MIPOL1: variants seen among roughly 807,000 people sequenced by gnomAD.
MIPOL1 encodes the protein mirror-image polydactyly 1.
Under a neutral mutation model 60.9 loss-of-function variants are expected in MIPOL1, and 57 were observed. The ratio of observed to expected loss-of-function variants is 0.94; its 90% CI spans 0.76 to 1.17. MIPOL1 has a LOEUF of 1.17. Ranked by LOEUF, MIPOL1 falls within the 50% of genes most tolerant of loss-of-function variation. MIPOL1 has a pLI of 0.00. For missense variants in MIPOL1, 551 were observed against 511.6 expected, an observed-to-expected ratio of 1.08 and a Z score of -0.74; for synonymous variants, 179 against 168.8, an observed-to-expected ratio of 1.06 and a Z score of -0.47.
At chr14:37,483,246 G>A (rs1462995664) in intron 11 of MIPOL1, among the ~76,000 whole-genome samples, 1 of 151,624 alleles carries the variant, frequency 6.6e-6, no homozygotes, top group Non-Finnish European at 1.5e-5. Flanking sequence ...CCGAGTAGCT[G>A]GGATTATGGG....
At chr14:37,390,361 G>A (rs1057217810) in intron 10 of MIPOL1, among the ~76,000 whole-genome samples, 2 of 152,008 alleles carry the variant, frequency 1.3e-5, no homozygotes, top group Admixed American at 1.3e-4. Flanking sequence ...TATCTGGAAT[G>A]TCACTTATAT....
intron 1 of MIPOL1, among the ~76,000 whole-genome samples, chr14:37,243,744 TA>T (rs1415426029): frequency 6.6e-6 from 1 of 152,212 alleles, no homozygotes; most frequent in Non-Finnish European, 1.5e-5. Context: ...TGGATACTGT[TA>T]CATTGGGGAA....
chr14:37,336,187 G>C (rs969403175), intron 9 of MIPOL1, among the ~76,000 whole-genome samples: 3 of 147,924 alleles, frequency 2.0e-5, no homozygotes, highest in African/African-American at 7.5e-5. Context: ...CTCATTAAAC[G>C]GTTTTGGTAC....
chr14:37,487,681 A>G (rs1332581387), intron 11 of MIPOL1, among the ~76,000 whole-genome samples: 2 of 152,088 alleles, frequency 1.3e-5, no homozygotes, highest in African/African-American at 4.8e-5. Flanking sequence ...ATCAGTGGTG[A>G]TATCCCCTTT....
chr14:37,482,875 A>G (rs1257970655), intron 11 of MIPOL1, among the ~76,000 whole-genome samples: 2 of 152,162 alleles, frequency 1.3e-5, no homozygotes, highest in Non-Finnish European at 2.9e-5. Context: ...GTCCCTCAGT[A>G]TCTGTTAGGG....
chr14:37,298,738 C>T (rs2086044820), intron 7 of MIPOL1, among the ~76,000 whole-genome samples: 1 of 151,906 alleles, frequency 6.6e-6, no homozygotes, highest in Non-Finnish European at 1.5e-5. Flanking sequence ...CAAATCAAAA[C>T]CACAATGAGA....
chr14:37,268,741 C>T lies in MIPOL1; in HGVS notation c.335C>T (p.Thr112Ile), dbSNP rs1340290276. ...ACTTCAGACTCAGATAAAGAGAAGA[C>T]AATAGCATTTCTTCTAAAAGAATTG... is the stretch of plus-strand genomic sequence containing the variant. ...QVTSDSDKEK[T>I]IAFLLKELDI... Residue 112 changes from threonine (T) to isoleucine (I), a missense_variant, in exon 5 of 13, where the codon ACA becomes ATA. Coordinates refer to ENST00000684589, the MANE Select transcript of MIPOL1 (RefSeq NM_001388067.1). The T allele has an allele frequency of 3.8e-6, 6 of 1,588,822 alleles. No homozygotes were observed. The highest frequency in any genetic ancestry group is 2.6e-6 in the Non-Finnish European group (3 of 1,162,204).
chr14:37,374,822 A>C (rs534700696), intron 10 of MIPOL1, among the ~76,000 whole-genome samples: 7 of 152,190 alleles, frequency 4.6e-5, no homozygotes, highest in East Asian at 1.9e-4. Flanking sequence ...ATCGTGATGC[A>C]TCCAGCTTTG....
intron 6 of MIPOL1, among the ~76,000 whole-genome samples, chr14:37,275,687 TTAAA>T (rs1167317162): frequency 2.0e-5 from 3 of 151,364 alleles, no homozygotes; most frequent in Middle Eastern, 6.8e-3. Flanking sequence ...GTAAAAGTAT[TTAAA>T]TAGTGTTTTA....
At chr14:37,316,906 A>C (rs1378835709) in intron 9 of MIPOL1, among the ~76,000 whole-genome samples, 1 of 152,070 alleles carries the variant, frequency 6.6e-6, no homozygotes, top group Non-Finnish European at 1.5e-5. Flanking sequence ...TGAACCCAGG[A>C]GGCGGAGGTT....
chr14:37,310,102 A>G (rs1157734811), intron 9 of MIPOL1, among the ~76,000 whole-genome samples: 1 of 152,048 alleles, frequency 6.6e-6, no homozygotes, highest in Admixed American at 6.6e-5. Context: ...GCCCATTATA[A>G]TTATCGCCAA....
At chr14:37,367,030 G>C (rs2092493807) in intron 9 of MIPOL1, among the ~76,000 whole-genome samples, 1 of 151,884 alleles carries the variant, frequency 6.6e-6, no homozygotes, top group Non-Finnish European at 1.5e-5. Flanking sequence ...TAAACATTTT[G>C]ACAAATGAAT....
chr14:37,289,494 T>A (rs2084865597), intron 7 of MIPOL1, among the ~76,000 whole-genome samples: 1 of 152,216 alleles, frequency 6.6e-6, no homozygotes, highest in South Asian at 2.1e-4. Context: ...TTGATTAATT[T>A]GTTAGAGCAG....
At chr14:37,288,907 C>G in intron 7 of MIPOL1, among the ~76,000 whole-genome samples, 1 of 152,208 alleles carries the variant, frequency 6.6e-6, no homozygotes, top group Admixed American at 6.5e-5. Context: ...GCTTGCATTC[C>G]TCAGATAAAA....
At chr14:37,496,845 T>A (rs369352850) in intron 11 of MIPOL1, among the ~76,000 whole-genome samples, 1 of 152,026 alleles carries the variant, frequency 6.6e-6, no homozygotes, top group Non-Finnish European at 1.5e-5. Flanking sequence ...CATCGCCAAG[T>A]CAATCCTAAG....
intron 3 of MIPOL1, among the ~76,000 whole-genome samples, chr14:37,262,992 G>A (rs2082619017): frequency 6.6e-6 from 1 of 152,158 alleles, no homozygotes; most frequent in Non-Finnish European, 1.5e-5. Flanking sequence ...CTTCTGTATA[G>A]TGGTCATTAA....
chr14:37,526,842 A>G (rs569203565), intron 12 of MIPOL1, among the ~76,000 whole-genome samples: 1 of 152,258 alleles, frequency 6.6e-6, no homozygotes, highest in South Asian at 2.1e-4. Flanking sequence ...TTTGACAAAA[A>G]TTGTCAAATT....
chr14:37,466,749 A>G (rs2094603365), intron 11 of MIPOL1, among the ~76,000 whole-genome samples: 1 of 152,318 alleles, frequency 6.6e-6, no homozygotes, highest in Admixed American at 6.5e-5. Flanking sequence ...AGGCCAGGCA[A>G]ATCAGTTGAG....
At position 37,438,405 on chromosome 14, in the gene MIPOL1, T is replaced by C. The variant is rs113224445; in HGVS notation, c.1031+15456T>C. 3.2e-3 allele frequency among the ~76,000 whole-genome samples: 486 copies of C among 152,286 alleles called. 4 individuals are homozygous for C. Among genetic ancestry groups the C allele is most frequent in the Middle Eastern group, 0.031 (9 of 294 alleles). On this transcript the variant is annotated intron_variant, in intron 11 of 12. Coordinates refer to ENST00000684589, the MANE Select transcript of MIPOL1 (RefSeq NM_001388067.1). ...CCTTCAACATCCTTGTAAGGCATCA[T>C]CCCTTTTTGGAGAGGAGAAAACTGA...
Sources: allele counts gnomAD v4.1 joint callset (sites outside exome capture counted in the v4.1 genomes callset), GRCh38; gene constraint gnomAD v4.1.1; transcripts MANE v1.5; gene names NCBI Gene and HGNC (gene_info 2026-07-23, HGNC 2026-07-21).